The following OTULINL variants were observed in gnomAD, a reference collection of about 807,000 sequenced individuals.
OTULINL encodes inactive ubiquitin thioesterase OTULINL.
In OTULINL, 42 loss-of-function variants were observed where a neutral mutation model predicts 43.9. That is an observed-to-expected ratio of 0.96 (90% CI 0.75 to 1.24). The LOEUF is 1.24. Ranked by LOEUF, OTULINL falls within the 50% of genes most tolerant of loss-of-function variation. OTULINL has a pLI of 0.00. For missense variants in OTULINL, 411 were observed against 426.4 expected (o/e 0.96, Z 0.32); for synonymous variants, 172 against 153.6 (o/e 1.12, Z -0.88).
chr5:14,587,700 C>G (rs1759130564), intron 1 of OTULINL, among the ~76,000 whole-genome samples: 1 of 152,158 alleles, frequency 6.6e-6, no homozygotes, highest in African/African-American at 2.4e-5. Context: ...CATGGTATAT[C>G]CCTCTATTTT....
At position 14,613,281 on chromosome 5, in the gene OTULINL, C is replaced by T. The variant is rs185126636; in HGVS notation, c.*2967C>T. Among the ~76,000 whole-genome samples, 138 of 152,284 alleles carry T rather than the reference C, an allele frequency of 9.1e-4. 1 individual carries two copies. Among genetic ancestry groups the T allele is most frequent in the Non-Finnish European group, 1.2e-4 (8 of 68,016 alleles). ...ATTCACATTGTTGTGCAACCCTCAC[C>T]ACCATCCACCCTCAGAACTTTTTAA... On this transcript the variant is annotated 3_prime_UTR_variant, in exon 8 of 8. Transcript: ENST00000274217.
chr5:14,608,211 A>G (rs1759514199), intron 6 of OTULINL, among the ~76,000 whole-genome samples: 1 of 152,244 alleles, frequency 6.6e-6, no homozygotes, highest in Non-Finnish European at 1.5e-5. Flanking sequence ...TATTGTAAAC[A>G]TTTTATGGTC....
intron 1 of OTULINL, 105 bp downstream of exon 1, chr5:14,582,063 T>A: frequency 1.2e-6 from 1 of 802,908 alleles, no homozygotes; most frequent in South Asian, 5.3e-5. Flanking sequence ...GCGGCCACCT[T>A]CGCTGCCTGT....
Position 14,614,265 on chromosome 5 carries a change from A to G in OTULINL, c.*3951A>G, listed in dbSNP as rs1309848263. Among the ~76,000 whole-genome samples, 1 of 152,232 alleles carries G rather than the reference A, an allele frequency of 6.6e-6. No individual in the cohort carries two copies. The highest frequency in any genetic ancestry group is 2.4e-5 in the African/African-American group (1 of 41,466). ...TTAACTGTCTATAGGGTTGCTTGTC[A>G]TAGTTGAACATTATTTAATTAACTT... is the stretch of plus-strand genomic sequence containing the variant. On this transcript the variant is annotated 3_prime_UTR_variant, in exon 8 of 8. Transcript: ENST00000274217.
intron 1 of OTULINL, among the ~76,000 whole-genome samples, chr5:14,583,105 A>G (rs548805485): frequency 2.1e-3 from 318 of 152,160 alleles, no homozygotes; most frequent in African/African-American, 7.3e-3. Flanking sequence ...AGGTGCGGGG[A>G]TTGTTTATGA....
At chr5:14,595,957 G>A (rs1323031237) in intron 1 of OTULINL, among the ~76,000 whole-genome samples, 1 of 152,102 alleles carries the variant, frequency 6.6e-6, no homozygotes. Context: ...AAGTGGTTCA[G>A]CCCAAAAATA....
At chr5:14,602,641 G>A (rs1759408295) in intron 5 of OTULINL, among the ~76,000 whole-genome samples, 1 of 152,072 alleles carries the variant, frequency 6.6e-6, no homozygotes, top group Non-Finnish European at 1.5e-5. Context: ...TTTCCGTGTT[G>A]CCCAGGCTGG....
rs1759383299 is a variant in OTULINL at position 14,601,199 on chromosome 5, C to T, written c.225-14C>T. ...AGCAGAATTCTGATATTATTGTTCC[C>T]TTTTATCTTTCAGGTGGATTGGATA... On this transcript the variant is annotated splice_polypyrimidine_tract_variant and intron_variant, in intron 2 of 7. Coordinates refer to ENST00000274217, the MANE Select transcript of OTULINL (RefSeq NM_019018.3). 7 of 1,611,832 alleles carry T rather than the reference C, an allele frequency of 4.3e-6. No homozygotes were observed. The highest frequency in any genetic ancestry group is 5.9e-6 in the Non-Finnish European group (7 of 1,179,356).
intron 1 of OTULINL, among the ~76,000 whole-genome samples, chr5:14,589,132 G>A (rs979239144): frequency 1.2e-4 from 18 of 152,218 alleles, no homozygotes; most frequent in African/African-American, 4.1e-4. Context: ...GTCAGTCCCA[G>A]TCCTTAAGGC....
Position 14,608,751 on chromosome 5 carries a change from A to G in OTULINL, c.631A>G (p.Thr211Ala). 1.9e-6 allele frequency: 3 copies of G among 1,597,920 alleles called. No homozygotes were observed. Among genetic ancestry groups the G allele is most frequent in the Non-Finnish European group, 2.6e-6 (3 of 1,168,332 alleles). The change falls in exon 7 of 8, where the codon ACT (threonine) becomes GCT (alanine). Residue 211 changes from threonine (T) to alanine (A), a missense_variant. Transcript: ENST00000274217. ...TCACTTTTACATCTGTTTTTAGTGGACTGAATTTAATGGCATTAGAGATTA... is the reference window on the plus strand; with the variant it reads ...TCACTTTTACATCTGTTTTTAGTGGGCTGAATTTAATGGCATTAGAGATTA... ...KYVELLKTQW[T>A]EFNGIRDYHK...
chr5:14,603,917 C>A (rs1023672742), intron 5 of OTULINL, among the ~76,000 whole-genome samples: 1 of 152,072 alleles, frequency 6.6e-6, no homozygotes, highest in Non-Finnish European at 1.5e-5. Context: ...TGTGTGTGTT[C>A]AATTTTCTTA....
At chr5:14,600,786 T>G (rs974073236) in intron 1 of OTULINL, among the ~76,000 whole-genome samples, 179 bp from the exon 2 acceptor site, 4 of 152,152 alleles carry the variant, frequency 2.6e-5, no homozygotes, top group African/African-American at 7.2e-5. Flanking sequence ...ATAAAGAAAT[T>G]AAAAATTTCT....
At chr5:14,605,246 A>G (rs1560966872) in intron 5 of OTULINL, among the ~76,000 whole-genome samples, 1 of 152,212 alleles carries the variant, frequency 6.6e-6, no homozygotes, top group African/African-American at 2.4e-5. Context: ...CTCTGAAGGC[A>G]TGGCCCTAGC....
At chr5:14,608,438 G>C (rs1270592820) in intron 6 of OTULINL, among the ~76,000 whole-genome samples, 2 of 152,264 alleles carry the variant, frequency 1.3e-5, no homozygotes, top group South Asian at 2.1e-4. Context: ...CTTCTTATAA[G>C]AGTAGCAGGT....
intron 1 of OTULINL, among the ~76,000 whole-genome samples, chr5:14,600,688 T>G (rs185230725): frequency 6.6e-6 from 1 of 152,230 alleles, no homozygotes; most frequent in East Asian, 1.9e-4. Flanking sequence ...AGTTCAAGTC[T>G]GAGAGATTCT....
chr5:14,591,209 G>A (rs1318137990), intron 1 of OTULINL, among the ~76,000 whole-genome samples: 4 of 152,190 alleles, frequency 2.6e-5, no homozygotes, highest in African/African-American at 9.7e-5. Flanking sequence ...GTCAGGTCCT[G>A]CCTGGGTCTA....
chr5:14,587,999 T>G (rs1759136967), intron 1 of OTULINL, among the ~76,000 whole-genome samples: 1 of 152,184 alleles, frequency 6.6e-6, no homozygotes, highest in Admixed American at 6.5e-5. Flanking sequence ...AAAGGCTCTT[T>G]ATTAGAACTA....
chr5:14,597,605 T>C (rs1026574351), intron 1 of OTULINL, among the ~76,000 whole-genome samples: 6 of 152,226 alleles, frequency 3.9e-5, no homozygotes, highest in African/African-American at 1.4e-4. Flanking sequence ...TCATACTCTT[T>C]CCTACTAAAA....
intron 1 of OTULINL, among the ~76,000 whole-genome samples, chr5:14,586,963 C>G (rs1380160491): frequency 6.6e-6 from 1 of 151,882 alleles, no homozygotes; most frequent in African/African-American, 2.4e-5. Context: ...GGGACAGCCT[C>G]GGTGGGTACA....
Sources: allele counts gnomAD v4.1 joint callset (sites outside exome capture counted in the v4.1 genomes callset), GRCh38; gene constraint gnomAD v4.1.1; transcripts MANE v1.5; gene names NCBI Gene and HGNC (gene_info 2026-07-23, HGNC 2026-07-21).